The following TIMM44 variants were observed in gnomAD, a reference collection of about 807,000 sequenced individuals.
The protein encoded by TIMM44 is mitochondrial import inner membrane translocase subunit TIM44.
In TIMM44, 37 loss-of-function variants were observed where a neutral mutation model predicts 63.8. The observed-to-expected ratio is 0.58, with a 90% CI of 0.45 to 0.76. The LOEUF (loss-of-function observed/expected upper bound fraction) is 0.76. TIMM44 is among the 30% of genes least tolerant of loss of function. TIMM44 has a pLI of 0.00. For synonymous variants in TIMM44, 239 were observed against 245.1 expected, an observed-to-expected ratio of 0.98 and a Z score of 0.23; for missense variants, 573 against 603.8, an observed-to-expected ratio of 0.95 and a Z score of 0.54.
chr19:7,930,661 C>CTAG (rs1305336858), intron 10 of TIMM44, among the ~76,000 whole-genome samples: 1 of 152,120 alleles, frequency 6.6e-6, no homozygotes. Flanking sequence ...GTTTCCCAGG[C>CTAG]TAGTCTTGAA....
rs373369933 is a variant in TIMM44 at position 7,928,212 on chromosome 19, GCAC to G, written c.1039-49_1039-47del. ...GCCTGCGTGATGCCACCCAGGGTGG[GCAC>G]CACGCCACACAGAGCTGCTGCCCAC... On this transcript the variant is annotated intron_variant, in intron 10 of 12. Transcript: ENST00000270538. 2.2e-4 allele frequency: 342 copies of G among 1,524,138 alleles called. 2 individuals are homozygous for G. The highest frequency in any genetic ancestry group is 1.8e-3 in the South Asian group (156 of 87,678). The allele number at this position is 1,524,138 out of a possible 1,614,324, so 94.4% of individuals were successfully genotyped here.
rs1487718227 is a variant in TIMM44 at position 7,933,088 on chromosome 19, G to A, written c.770-156C>T. Among the ~76,000 whole-genome samples the A allele has an allele frequency of 6.6e-6, 1 of 152,162 alleles. No homozygotes were observed. Among genetic ancestry groups the A allele is most frequent in the Non-Finnish European group, 1.5e-5 (1 of 68,016 alleles). On this transcript the variant is annotated intron_variant, in intron 7 of 12. Transcript: ENST00000270538. This position sits in a 1 kb window ranked among gnomAD's most constrained non-coding sequence, Gnocchi z 4.3. ...GCTGTGGACCTGCATCCTCATCTGT[G>A]CTTGGGGACCGCTGCCTGCCCACCT...
Position 7,927,145 on chromosome 19 carries a change from C to A in TIMM44, c.*42G>T. ...CAGGTGGTGTTGCGGTGCCTCTGTG[C>A]CTGATGACCCAGGCCGGGGCTACCT... is the stretch of plus-strand genomic sequence containing the variant. On this transcript the variant is annotated 3_prime_UTR_variant, in exon 13 of 13. Coordinates refer to ENST00000270538, the MANE Select transcript of TIMM44 (RefSeq NM_006351.4). The A allele has an allele frequency of 1.3e-6, 2 of 1,581,208 alleles. No homozygotes were observed. Among genetic ancestry groups the A allele is most frequent in the East Asian group, 4.6e-5 (2 of 43,550 alleles).
chr19:7,927,863 G>A, intron 11 of TIMM44, 96 bp from the exon 12 acceptor site: 1 of 1,330,360 alleles, frequency 7.5e-7, no homozygotes, highest in Non-Finnish European at 1.1e-6. Flanking sequence ...CTAGGAGAAG[G>A]CTCCAGCACC....
chr19:7,932,030 G>A (rs558391699), intron 9 of TIMM44, among the ~76,000 whole-genome samples: 9 of 152,224 alleles, frequency 5.9e-5, no homozygotes, highest in African/African-American at 1.4e-4. Context: ...GGCCTGGCCC[G>A]ACTGGGCCGA....
chr19:7,927,410 C>G, intron 12 of TIMM44, 104 bp from the exon 13 acceptor site: 2 of 1,436,334 alleles, frequency 1.4e-6, no homozygotes, highest in South Asian at 2.3e-5. Flanking sequence ...GGCAACTTCC[C>G]CAGGGGCTGG....
intron 3 of TIMM44, among the ~76,000 whole-genome samples, chr19:7,937,414 C>A (rs956787815): frequency 6.6e-6 from 1 of 152,226 alleles, no homozygotes; most frequent in African/African-American, 2.4e-5. Context: ...TGTGAAGATG[C>A]GGGCGCTGGC....
In TIMM44 at chr19:7,934,697, A is replaced by G. The variant is rs1392206258; in HGVS notation, c.393+368T>C. 2.6e-5 allele frequency among the ~76,000 whole-genome samples: 4 copies of G among 152,238 alleles called. No individual in the cohort carries two copies. Among genetic ancestry groups the G allele is most frequent in the Middle Eastern group, 3.4e-3 (1 of 294 alleles). On this transcript the variant is annotated intron_variant, in intron 4 of 12. Transcript: ENST00000270538. The surrounding 1 kb of genome is among the most constrained non-coding windows in gnomAD (Gnocchi z 5.3). ...CCCATGCTGCGCAAAGCTGGACAGA[A>G]CAGACAACCGAGGAGAGCCGCAGCA...
intron 3 of TIMM44, among the ~76,000 whole-genome samples, chr19:7,936,494 G>GAAACC (rs1212223477): frequency 1.3e-5 from 2 of 152,130 alleles, no homozygotes; most frequent in African/African-American, 2.4e-5. Context: ...AAACACAAAT[G>GAAACC]AAACCAAACC....
intron 12 of TIMM44, 116 bp downstream of exon 12, chr19:7,927,540 TC>T: frequency 8.4e-7 from 1 of 1,187,298 alleles, no homozygotes; most frequent in Non-Finnish European, 1.2e-6. Flanking sequence ...TTTCTCCACA[TC>T]CCCACCCAGT....
intron 12 of TIMM44, 81 bp from the exon 13 acceptor site, chr19:7,927,387 G>T: frequency 1.9e-6 from 3 of 1,553,146 alleles, no homozygotes; most frequent in South Asian, 1.1e-5. Flanking sequence ...GGCTCTGTGG[G>T]GCAGGAGCCA....
At chr19:7,935,849 C>T (rs1984140063) in intron 3 of TIMM44, among the ~76,000 whole-genome samples, 1 of 152,180 alleles carries the variant, frequency 6.6e-6, no homozygotes. Flanking sequence ...GCTATGTCTT[C>T]AGATGACCCC....
rs1018280246 is a variant in TIMM44, at chr19:7,926,835, G to A, written c.*352C>T. The stretch of plus-strand genomic sequence containing the variant: ...AGTGGCTTGGCTGACGTGGCTAGCG[G>A]GCCACTGAGCCGCGGGTCCCGGGTC... On this transcript the variant is annotated 3_prime_UTR_variant, in exon 13 of 13. Coordinates refer to ENST00000270538, the MANE Select transcript of TIMM44 (RefSeq NM_006351.4). The A allele has an allele frequency of 5.7e-6, 2 of 352,194 alleles. No individual in the cohort carries two copies. Among genetic ancestry groups the A allele is most frequent in the African/African-American group, 4.2e-5 (2 of 47,590 alleles). 21.8% of individuals were successfully genotyped at this position (352,194 alleles called of 1,614,324 possible). A position where few individuals can be genotyped will look rare whatever the true frequency, so the allele number is the denominator to read the frequency against.
At chr19:7,941,781 G>A (rs1044892694) in intron 1 of TIMM44, among the ~76,000 whole-genome samples, 1 of 152,124 alleles carries the variant, frequency 6.6e-6, no homozygotes, top group Admixed American at 6.6e-5. Flanking sequence ...CCCATGGGGG[G>A]AAGAAGGCTA....
chr19:7,940,768 C>T, intron 2 of TIMM44, among the ~76,000 whole-genome samples: 1 of 152,088 alleles, frequency 6.6e-6, no homozygotes, highest in Non-Finnish European at 1.5e-5. Context: ...AAGGAAACAG[C>T]TATGCTTGGT....
chr19:7,933,043 G>T lies in TIMM44; in HGVS notation c.770-111C>A. The T allele has an allele frequency of 1.1e-6, 1 of 875,424 alleles. No individual in the cohort carries two copies. Among genetic ancestry groups the T allele is most frequent in the South Asian group, 1.4e-5 (1 of 71,826 alleles). 54.2% of individuals were successfully genotyped at this position (875,424 alleles called of 1,614,324 possible). On this transcript the variant is annotated intron_variant, in intron 7 of 12. Coordinates refer to ENST00000270538, the MANE Select transcript of TIMM44 (RefSeq NM_006351.4). This position sits in a 1 kb window ranked among gnomAD's most constrained non-coding sequence, Gnocchi z 4.3. Reference sequence around the variant, plus strand: ...CCCTGCGGGATCCACCCTGACACGGGTGGGGTCAGGGAGGGGACGGCTGTG... The same window carrying T: ...CCCTGCGGGATCCACCCTGACACGGTTGGGGTCAGGGAGGGGACGGCTGTG...
chr19:7,929,822 A>G (rs1318507425), intron 10 of TIMM44, among the ~76,000 whole-genome samples: 1 of 149,870 alleles, frequency 6.7e-6, no homozygotes, highest in Admixed American at 6.6e-5. Context: ...GGCTGCAACC[A>G]CCTCTCCTGG....
rs796959002 is a variant in TIMM44, at chr19:7,934,461, G to A, written c.394-223C>T. The stretch of plus-strand genomic sequence containing the variant: ...CCACCCCCAGAGCCACGAGCACACC[G>A]GCACCCCCAGAGCCATGAGCACACC... On this transcript the variant is annotated intron_variant, in intron 4 of 12. Coordinates refer to ENST00000270538, the MANE Select transcript of TIMM44 (RefSeq NM_006351.4). This position sits in a 1 kb window ranked among gnomAD's most constrained non-coding sequence, Gnocchi z 5.3. Among the ~76,000 whole-genome samples the A allele has an allele frequency of 1.5e-5, 2 of 133,940 alleles. No individual in the cohort carries two copies. Among genetic ancestry groups the A allele is most frequent in the African/African-American group, 5.1e-5 (2 of 39,552 alleles). 87.9% of individuals were successfully genotyped at this position (133,940 alleles called of 152,430 possible). A position where few individuals can be genotyped will look rare whatever the true frequency, so the allele number is the denominator to read the frequency against.
At chr19:7,939,804 T>C (rs927368678) in intron 2 of TIMM44, among the ~76,000 whole-genome samples, 1 of 151,838 alleles carries the variant, frequency 6.6e-6, no homozygotes. Context: ...TAGTCCCAGC[T>C]ACTGAGGCAG....
Sources: gnomAD v4.1 joint callset for allele counts (sites outside exome capture counted in the v4.1 genomes callset) on GRCh38, gnomAD v4.1.1 for gene constraint, Gnocchi (gnomAD v3.1) non-coding constraint, MANE v1.5 for transcripts, NCBI Gene and HGNC (gene_info 2026-07-23, HGNC 2026-07-21) for gene names.